LRRIQ3: variants seen among roughly 807,000 people sequenced by gnomAD.
LRRIQ3 encodes leucine rich repeats and IQ motif containing 3, also known as leucine-rich repeat and IQ domain-containing protein 3.
A neutral mutation model predicts 59.3 loss-of-function variants in LRRIQ3; 75 were observed. The observed-to-expected ratio is 1.26, with a 90% CI of 1.05 to 1.53. The LOEUF (loss-of-function observed/expected upper bound fraction) is 1.53. Ranked by LOEUF, LRRIQ3 falls within the 40% of genes most tolerant of loss-of-function variation. The pLI, the probability that LRRIQ3 is intolerant of heterozygous loss-of-function variation, is 0.00. For synonymous variants in LRRIQ3, 250 were observed against 231.3 expected, an observed-to-expected ratio of 1.08 and a Z score of -0.73; for missense variants, 831 against 710.0, an observed-to-expected ratio of 1.17 and a Z score of -1.94.
intron 5 of LRRIQ3, among the ~76,000 whole-genome samples, chr1:74,096,121 T>C (rs566107343): frequency 1.3e-5 from 2 of 152,198 alleles, no homozygotes; most frequent in South Asian, 2.1e-4. Flanking sequence ...AGAGTGGAAC[T>C]GGTCTATATT....
At chr1:74,188,949 G>A (rs1278895237) in intron 1 of LRRIQ3, among the ~76,000 whole-genome samples, 1 of 152,112 alleles carries the variant, frequency 6.6e-6, no homozygotes, top group Non-Finnish European at 1.5e-5. Context: ...TTTATGTAGT[G>A]TAACAAATCA....
At chr1:74,121,542 A>C (rs1375340933) in intron 4 of LRRIQ3, among the ~76,000 whole-genome samples, 1 of 151,996 alleles carries the variant, frequency 6.6e-6, no homozygotes, top group Non-Finnish European at 1.5e-5. Flanking sequence ...ATATAATTTT[A>C]ATCTTATTAG....
chr1:74,027,036 G>T, intron 7 of LRRIQ3, 67 bp from the exon 8 acceptor site: 2 of 1,035,570 alleles, frequency 1.9e-6, no homozygotes, highest in Non-Finnish European at 1.4e-6. Flanking sequence ...CAATCTATTA[G>T]ACTATTAATG....
intron 3 of LRRIQ3, among the ~76,000 whole-genome samples, chr1:74,161,890 C>A (rs2100680957): frequency 6.6e-6 from 1 of 151,738 alleles, no homozygotes; most frequent in Non-Finnish European, 1.5e-5. Flanking sequence ...TGCCATAAAC[C>A]ATTTGATGTC....
At chr1:74,046,856 T>A (rs965137375) in intron 6 of LRRIQ3, among the ~76,000 whole-genome samples, 26 of 152,160 alleles carry the variant, frequency 1.7e-4, no homozygotes, top group African/African-American at 6.3e-4. Flanking sequence ...AAAAAGCTCA[T>A]CATCTTTGGT....
At chr1:74,070,190 C>A (rs1054846361) in intron 6 of LRRIQ3, among the ~76,000 whole-genome samples, 3 of 152,036 alleles carry the variant, frequency 2.0e-5, no homozygotes, top group Non-Finnish European at 4.4e-5. Context: ...ATGTTCATTG[C>A]AGCACTATTC....
intron 1 of LRRIQ3, among the ~76,000 whole-genome samples, chr1:74,189,552 T>C (rs1007133947): frequency 3.3e-5 from 5 of 152,118 alleles, no homozygotes; most frequent in Non-Finnish European, 7.4e-5. Flanking sequence ...CACTTAATGA[T>C]ATGGTTGGGC....
At chr1:74,180,736 G>A (rs1197206057) in intron 3 of LRRIQ3, 3 of 1,549,950 alleles carry the variant, frequency 1.9e-6, no homozygotes, top group Middle Eastern at 1.7e-4. Flanking sequence ...GTCCAATATT[G>A]GGTAAGTTCC....
rs181392899 is a variant in LRRIQ3 at position 74,122,912 on chromosome 1, A to T, written c.708-13359T>A. Among the ~76,000 whole-genome samples the T allele has an allele frequency of 1.6e-3, 236 of 152,226 alleles. 2 individuals are homozygous for T. In the Middle Eastern group the frequency reaches 0.017, roughly 11 times the overall value. On this transcript the variant is annotated intron_variant, in intron 4 of 7. Transcript: ENST00000354431. Reference sequence around the variant, plus strand: ...CATGCAACCTACAGAATGGGAGAAAAATTTTGCAATCTACTCATCTGACAA... The same window carrying T: ...CATGCAACCTACAGAATGGGAGAAATATTTTGCAATCTACTCATCTGACAA...
intron 4 of LRRIQ3, 157 bp downstream of exon 4, chr1:74,155,576 G>C (rs527598711): frequency 6.0e-6 from 3 of 502,056 alleles, no homozygotes; most frequent in African/African-American, 4.1e-5. Flanking sequence ...TATTACTATA[G>C]AGTCTGTGGT....
intron 4 of LRRIQ3, among the ~76,000 whole-genome samples, chr1:74,133,062 G>C (rs1647053329): frequency 6.6e-6 from 1 of 152,016 alleles, no homozygotes; most frequent in African/African-American, 2.4e-5. Flanking sequence ...AATATGAACA[G>C]ACACTTCTCA....
intron 6 of LRRIQ3, among the ~76,000 whole-genome samples, chr1:74,051,619 A>G (rs535008062): frequency 6.6e-6 from 1 of 151,822 alleles, no homozygotes; most frequent in Admixed American, 6.6e-5. Context: ...CCAAACAGAA[A>G]CCCCATACGC....
At chr1:74,170,931 T>C (rs988464903) in intron 3 of LRRIQ3, among the ~76,000 whole-genome samples, 1 of 152,188 alleles carries the variant, frequency 6.6e-6, no homozygotes, top group Non-Finnish European at 1.5e-5. Context: ...TTTCTGGTGC[T>C]ATTTTAAATG....
intron 4 of LRRIQ3, among the ~76,000 whole-genome samples, chr1:74,132,258 C>T (rs142510379): frequency 0.32 from 48,790 of 151,914 alleles, 8,303 homozygotes; most frequent in Middle Eastern, 0.45. Context: ...TCCATTCTCA[C>T]GGATAGGATG....
intron 6 of LRRIQ3, among the ~76,000 whole-genome samples, chr1:74,046,819 C>A (rs561350952): frequency 6.6e-6 from 1 of 152,244 alleles, no homozygotes; most frequent in South Asian, 2.1e-4. Context: ...CAAAAGAAGG[C>A]ATTTATGTGG....
chr1:74,158,374 T>C (rs998360651), intron 3 of LRRIQ3, among the ~76,000 whole-genome samples: 1 of 152,182 alleles, frequency 6.6e-6, no homozygotes, highest in Non-Finnish European at 1.5e-5. Flanking sequence ...ACAAAGTCCT[T>C]CTTGATCTAG....
chr1:74,109,275 T>C (rs1646655956), intron 5 of LRRIQ3, 119 bp downstream of exon 5: 1 of 756,338 alleles, frequency 1.3e-6, no homozygotes, highest in Admixed American at 2.6e-5. Flanking sequence ...TAAAGCAGGA[T>C]ATTAACAATG....
intron 5 of LRRIQ3, among the ~76,000 whole-genome samples, chr1:74,107,253 C>A (rs746029464): frequency 6.6e-6 from 1 of 151,950 alleles, no homozygotes; most frequent in African/African-American, 2.4e-5. Context: ...AATTACTGAA[C>A]CTTGAATTCT....
At chr1:74,153,052 A>G (rs1357286959) in intron 4 of LRRIQ3, among the ~76,000 whole-genome samples, 14 of 152,162 alleles carry the variant, frequency 9.2e-5, no homozygotes, top group Non-Finnish European at 1.9e-4. Context: ...GGTGCTTTAC[A>G]TATATTGCAC....
Sources: allele counts gnomAD v4.1 joint callset (sites outside exome capture counted in the v4.1 genomes callset), GRCh38; gene constraint gnomAD v4.1.1; transcripts MANE v1.5; gene names NCBI Gene and HGNC (gene_info 2026-07-23, HGNC 2026-07-21).